The following OSBPL8 variants were observed in gnomAD, a reference collection of about 807,000 sequenced individuals.
OSBPL8 encodes oxysterol binding protein like 8, also known as oxysterol-binding protein-related protein 8.
In OSBPL8, 59 loss-of-function variants were observed where a neutral mutation model predicts 125.5. The observed-to-expected ratio is 0.47, with a 90% confidence interval of 0.38 to 0.58. OSBPL8 has a LOEUF of 0.58. OSBPL8 is among the 20% of genes least tolerant of loss of function. The pLI is 0.00. For missense variants in OSBPL8, 758 were observed against 1,047.8 expected (o/e 0.72, Z 3.82); for synonymous variants, 330 against 338.9 (o/e 0.97, Z 0.29).
chr12:76,357,041 C>T (rs1009300660), intron 22 of OSBPL8, among the ~76,000 whole-genome samples: 29 of 152,090 alleles, frequency 1.9e-4, no homozygotes, highest in African/African-American at 7.0e-4. Flanking sequence ...TGTTCCTTGC[C>T]CATTTGCCTA....
chr12:76,548,270 A>G (rs1950837839), intron 1 of OSBPL8, among the ~76,000 whole-genome samples: 1 of 152,212 alleles, frequency 6.6e-6, no homozygotes, highest in South Asian at 2.1e-4. Context: ...TGAGATTGAT[A>G]GAAATAACAA....
In OSBPL8 at chr12:76,362,250, C is replaced by T. The variant is rs558056502; in HGVS notation, c.2329-3439G>A. Among the ~76,000 whole-genome samples the T allele has an allele frequency of 2.0e-5, 3 of 151,968 alleles. No homozygotes were observed. The South Asian group carries it at 6.3e-4, about 32-fold the overall frequency. On this transcript the variant is annotated intron_variant, in intron 21 of 23. Coordinates refer to ENST00000261183, the MANE Select transcript of OSBPL8 (RefSeq NM_020841.5). ...AGACACAACAAAAAAAATTTCAGGC[C>T]AATATTCCTGATGAACATCGATGCA...
At chr12:76,515,020 C>T (rs192921777) in intron 1 of OSBPL8, among the ~76,000 whole-genome samples, 80 of 152,160 alleles carry the variant, frequency 5.3e-4, no homozygotes, top group Non-Finnish European at 5.7e-4. Flanking sequence ...TTTTTTATAC[C>T]AGCAATTTTG....
chr12:76,447,843 G>A (rs1000475716), intron 4 of OSBPL8, among the ~76,000 whole-genome samples: 4 of 152,080 alleles, frequency 2.6e-5, no homozygotes, highest in Non-Finnish European at 4.4e-5. Flanking sequence ...CACTGCACCC[G>A]GTCAGCCAAG....
chr12:76,435,691 A>C (rs910270673), intron 4 of OSBPL8, among the ~76,000 whole-genome samples: 1 of 152,136 alleles, frequency 6.6e-6, no homozygotes, highest in Non-Finnish European at 1.5e-5. Context: ...AAAAAATAAA[A>C]AGATCGTTCC....
intron 1 of OSBPL8, among the ~76,000 whole-genome samples, chr12:76,508,370 A>C (rs1341222772): frequency 6.6e-6 from 1 of 152,218 alleles, no homozygotes; most frequent in Non-Finnish European, 1.5e-5. Flanking sequence ...AACAGACTGC[A>C]TGTATGGCAG....
At chr12:76,519,684 G>A (rs368979909) in intron 1 of OSBPL8, among the ~76,000 whole-genome samples, 2 of 152,142 alleles carry the variant, frequency 1.3e-5, no homozygotes, top group South Asian at 2.1e-4. Flanking sequence ...GACCACATCC[G>A]CTTTTGGTGA....
intron 5 of OSBPL8, among the ~76,000 whole-genome samples, chr12:76,407,590 C>T (rs7134979): frequency 0.01 from 1,586 of 152,284 alleles, 36 homozygotes; most frequent in African/African-American, 0.037. Flanking sequence ...CTATAGACAT[C>T]TTAAGCTAAC....
At chr12:76,413,250 C>T (rs1464350159) in intron 4 of OSBPL8, among the ~76,000 whole-genome samples, 3 of 152,182 alleles carry the variant, frequency 2.0e-5, no homozygotes, top group South Asian at 4.1e-4. Flanking sequence ...GATTCCTCCT[C>T]AGTGCAATTC....
chr12:76,459,713 T>C (rs1008363687), intron 3 of OSBPL8, 146 bp downstream of exon 3: 2 of 893,752 alleles, frequency 2.2e-6, no homozygotes, highest in African/African-American at 3.3e-5. Flanking sequence ...TGACCATTTA[T>C]ATTCTTTACT....
At chr12:76,509,571 C>T (rs904370051) in intron 1 of OSBPL8, among the ~76,000 whole-genome samples, 3 of 152,126 alleles carry the variant, frequency 2.0e-5, no homozygotes, top group African/African-American at 7.2e-5. Context: ...AGTACATATG[C>T]TTCCTAGAGT....
chr12:76,521,021 G>A (rs1882018244), intron 1 of OSBPL8, among the ~76,000 whole-genome samples: 1 of 152,130 alleles, frequency 6.6e-6, no homozygotes, highest in Admixed American at 6.5e-5. Context: ...ATCAGAAAGA[G>A]CAAAGTATCT....
chr12:76,543,345 C>A (rs1480805062), intron 1 of OSBPL8, among the ~76,000 whole-genome samples: 2 of 152,042 alleles, frequency 1.3e-5, no homozygotes, highest in Admixed American at 6.6e-5. Flanking sequence ...TCATTAAAGT[C>A]CACCATCTGG....
At chr12:76,396,104 T>C (rs1192420153) in intron 8 of OSBPL8, among the ~76,000 whole-genome samples, 2 of 151,670 alleles carry the variant, frequency 1.3e-5, no homozygotes, top group African/African-American at 2.4e-5. Flanking sequence ...TAAAAAGGTT[T>C]TGAAAGTCGT....
At chr12:76,446,840 A>G (rs1309165033) in intron 4 of OSBPL8, among the ~76,000 whole-genome samples, 1 of 152,206 alleles carries the variant, frequency 6.6e-6, no homozygotes, top group African/African-American at 2.4e-5. Context: ...CAATGAATAT[A>G]TTAAAATCCA....
At chr12:76,496,827 C>G (rs1879327811) in intron 1 of OSBPL8, among the ~76,000 whole-genome samples, 1 of 152,182 alleles carries the variant, frequency 6.6e-6, no homozygotes, top group Non-Finnish European at 1.5e-5. Context: ...CAGGTGTGAG[C>G]CACCGTGCGT....
chr12:76,422,471 G>C (rs1159672946), intron 4 of OSBPL8: 7 of 451,310 alleles, frequency 1.6e-5, no homozygotes, highest in African/African-American at 1.2e-4. Context: ...TTAATTAAAA[G>C]TCTGCAAGAA....
intron 4 of OSBPL8, among the ~76,000 whole-genome samples, chr12:76,444,482 G>A (rs938904475): frequency 6.6e-6 from 1 of 152,150 alleles, no homozygotes; most frequent in Non-Finnish European, 1.5e-5. Flanking sequence ...GTAGAAAGGA[G>A]AAGCATATTC....
chr12:76,384,850 A>T (rs1953236628), intron 14 of OSBPL8, among the ~76,000 whole-genome samples: 4 of 152,192 alleles, frequency 2.6e-5, no homozygotes, highest in African/African-American at 9.6e-5. Flanking sequence ...GTTTGACTGC[A>T]AGCTCATTAG....
Sources: gnomAD v4.1 joint callset for allele counts (sites outside exome capture counted in the v4.1 genomes callset) on GRCh38, gnomAD v4.1.1 for gene constraint, MANE v1.5 for transcripts, NCBI Gene and HGNC (gene_info 2026-07-23, HGNC 2026-07-21) for gene names.